The following TMEM132A variants were observed in gnomAD, a reference collection of about 807,000 sequenced individuals.
TMEM132A encodes transmembrane protein 132A.
Under a neutral mutation model 69.9 loss-of-function variants are expected in TMEM132A, and 48 were observed. The observed-to-expected ratio is 0.69, with a 90% CI of 0.55 to 0.87. The LOEUF is 0.87. Ranked by LOEUF, TMEM132A falls within the 40% of genes least tolerant of loss-of-function variation. The pLI, the probability that TMEM132A is intolerant of heterozygous loss-of-function variation, is 0.00. For synonymous variants in TMEM132A, 577 were observed against 613.7 expected (o/e 0.94, Z 0.88); for missense variants, 1,287 against 1,407.2 (o/e 0.91, Z 1.37).
In TMEM132A at chr11:60,935,860, A is replaced by G. The variant is rs780666983; in HGVS notation, c.2029-4A>G. The G allele has an allele frequency of 1.9e-6, 3 of 1,610,852 alleles. No individual in the cohort carries two copies. Among genetic ancestry groups the G allele is most frequent in the Non-Finnish European group, 2.5e-6 (3 of 1,179,614 alleles). On this transcript the variant is annotated splice_polypyrimidine_tract_variant and splice_region_variant and intron_variant, in intron 10 of 10. Coordinates refer to ENST00000453848, the MANE Select transcript of TMEM132A (RefSeq NM_178031.3). This position sits in a 1 kb window ranked among gnomAD's most constrained non-coding sequence, Gnocchi z 5.0. ...GTCTCTGCCTGTGTCTGTGTGCCCC[A>G]CAGGAGGTGGCCCTCTCCCTATGGC...
Position 60,935,910 on chromosome 11 carries a change from C to G in TMEM132A, c.2075C>G (p.Ala692Gly). Reference protein sequence around the residue: ...LWLSFSDHTVAPAELYDRRDL... With the variant: ...LWLSFSDHTVGPAELYDRRDL... Reference sequence around the variant, plus strand: ...CTGTCCTTCTCTGATCACACTGTGGCCCCAGCTGAGCTCTACGACCGCCGT... The same window carrying G: ...CTGTCCTTCTCTGATCACACTGTGGGCCCAGCTGAGCTCTACGACCGCCGT... The change falls in exon 11 of 11, where the codon GCC (alanine) becomes GGC (glycine). Residue 692 changes from alanine to glycine, a missense_variant. Transcript: ENST00000453848. The surrounding 1 kb of genome is among the most constrained non-coding windows in gnomAD (Gnocchi z 5.0). The G allele has an allele frequency of 6.2e-7, 1 of 1,612,004 alleles. No homozygotes were observed. Among genetic ancestry groups the G allele is most frequent in the East Asian group, 2.2e-5 (1 of 44,876 alleles).
In TMEM132A at chr11:60,929,822, A is replaced by C. The variant is rs1444607956; in HGVS notation, c.867-688A>C. Among the ~76,000 whole-genome samples, 6 of 152,112 alleles carry C rather than the reference A, an allele frequency of 3.9e-5. No individual in the cohort carries two copies. The South Asian group carries it at 1.2e-3, about 32-fold the overall frequency. On this transcript the variant is annotated intron_variant, in intron 4 of 10. Coordinates refer to ENST00000453848, the MANE Select transcript of TMEM132A (RefSeq NM_178031.3). ...CTTATTAAGCAGATCTTTCCTAGAC[A>C]CTTACAGCCTGCCAAGCCCTGTGTC...
intron 7 of TMEM132A, chr11:60,933,198 A>C: frequency 5.0e-6 from 1 of 199,262 alleles, no homozygotes; most frequent in Non-Finnish European, 9.6e-6. Flanking sequence ...TAATCTATTT[A>C]TTTTGAAACA....
Position 60,935,387 on chromosome 11 carries a change from C to T in TMEM132A, c.1972C>T (p.Pro658Ser). Residue 658 changes from proline (P) to serine (S), a missense_variant, in exon 10 of 11, where the codon CCC becomes TCC. Transcript: ENST00000453848. This position sits in a 1 kb window ranked among gnomAD's most constrained non-coding sequence, Gnocchi z 5.0. Reference sequence around the variant, plus strand: ...GACCTTGAGCCGGGGCACTGCCCACCCCGGGGAGGTCACAGCTACGTGCTG... The same window carrying T: ...GACCTTGAGCCGGGGCACTGCCCACTCCGGGGAGGTCACAGCTACGTGCTG... Reference protein sequence around the residue: ...SLTLSRGTAHPGEVTATCWAQ... With the variant: ...SLTLSRGTAHSGEVTATCWAQ... 6.2e-7 allele frequency: 1 copy of T among 1,612,294 alleles called. No homozygotes were observed. Among genetic ancestry groups the T allele is most frequent in the South Asian group, 1.1e-5 (1 of 90,494 alleles).
Position 60,931,886 on chromosome 11 carries a change from T to C in TMEM132A, c.1212+2T>C. ...AGAGCCCTTATCCCACTGGCCAAGG[T>C]AAGGAGACCTCCATCTCTGCCTGGG... is the stretch of plus-strand genomic sequence containing the variant. On this transcript the variant is annotated splice_donor_variant, in intron 6 of 10. Coordinates refer to ENST00000453848, the MANE Select transcript of TMEM132A (RefSeq NM_178031.3). LOFTEE classifies it high-confidence loss of function. The C allele has an allele frequency of 6.2e-7, 1 of 1,614,158 alleles. No individual in the cohort carries two copies. The highest frequency in any genetic ancestry group is 8.5e-7 in the Non-Finnish European group (1 of 1,180,026).
chr11:60,930,464 G>A, intron 4 of TMEM132A, 46 bp from the exon 5 acceptor site: 1 of 1,535,786 alleles, frequency 6.5e-7, no homozygotes, highest in Non-Finnish European at 8.8e-7. Flanking sequence ...CCAGCCCACA[G>A]TTCAGCATGC....
In TMEM132A at chr11:60,927,691, C is replaced by T. The variant is rs114893240; in HGVS notation, c.366C>T (p.Asp122=). ...CCCACCAACGGCCAGTCCCATGGGA[C>T]GTGCGGGCCGTTTCAGTGGAAGCGG... ...TEPHQRPVPW[D]VRAVSVEAAV... is the part of the protein sequence containing the mutation. Residue 122 remains aspartate (D), a synonymous_variant, in exon 3 of 11, where the codon GAC becomes GAT. Transcript: ENST00000453848. 9.6e-4 allele frequency: 1,557 copies of T among 1,613,574 alleles called. 13 individuals are homozygous for T. The African/African-American group carries it at 0.018, about 19-fold the overall frequency.
Position 60,927,349 on chromosome 11 carries a change from G to T in TMEM132A, c.246G>T (p.Leu82=), listed in dbSNP as rs61739595. The change falls in exon 2 of 11, where the codon CTG becomes CTT. Residue 82 remains leucine, a synonymous_variant. Coordinates refer to ENST00000453848, the MANE Select transcript of TMEM132A (RefSeq NM_178031.3). ...TGAGCTCCCGATCTGAGACCTTTCTGCTCCTACAGCCCTGGCCCAGGGCCC... is the reference window on the plus strand; with the variant it reads ...TGAGCTCCCGATCTGAGACCTTTCTTCTCCTACAGCCCTGGCCCAGGGCCC... ...SSLSSRSETF[L]LLQPWPRAQP... is the part of the protein sequence containing the mutation. 9.3e-4 allele frequency: 1,502 copies of T among 1,613,304 alleles called. 12 individuals are homozygous for T. In the African/African-American group the frequency reaches 0.014, roughly 15 times the overall value.
rs144704995 is a variant in TMEM132A, at chr11:60,927,654, G to A, written c.329G>A (p.Arg110Gln). The stretch of plus-strand genomic sequence containing the variant: ...TTCTCCCTCCAGGTGGTCCCCCCTC[G>A]AGTCACTGAGCCCCACCAACGGCCA... ...PFATQQVVPPRVTEPHQRPVP... is the reference protein window; with the variant it reads ...PFATQQVVPPQVTEPHQRPVP... The change falls in exon 3 of 11, where the codon CGA becomes CAA. Residue 110 changes from arginine (R) to glutamine (Q), a missense_variant. By Grantham distance (43) the Arg-to-Gln change is conservative. Transcript: ENST00000453848. The A allele has an allele frequency of 2.1e-5, 34 of 1,611,122 alleles. No homozygotes were observed. The Admixed American group carries it at 2.2e-4, about 10-fold the overall frequency.
rs1466536023 is a variant in TMEM132A, at chr11:60,928,943, C to T, written c.849C>T (p.Ala283=). The T allele has an allele frequency of 1.9e-6, 3 of 1,612,374 alleles. No individual in the cohort carries two copies. The highest frequency in any genetic ancestry group is 2.7e-5 in the African/African-American group (2 of 74,938). The change falls in exon 4 of 11, where the codon GCC becomes GCT. Residue 283 remains alanine, a synonymous_variant. Transcript: ENST00000453848. ...ATLLLRHNFT[A]SLLTLRIKVK... ...TCCTGCTTCGGCACAACTTCACAGC[C>T]AGCCTCCTGACCCTGCGGTGAGCAC...
At position 60,936,415 on chromosome 11, in the gene TMEM132A, C is replaced by T; in HGVS notation, c.2580C>T (p.Ala860=). The T allele has an allele frequency of 6.2e-7, 1 of 1,614,170 alleles. No homozygotes were observed. Among genetic ancestry groups the T allele is most frequent in the East Asian group, 2.2e-5 (1 of 44,878 alleles). ...CCCTGCTGGGAGTCTTCTGCGTGGC[C>T]ATCTTCATCTTCTTGGTCAATGGTG... ...MYALLGVFCV[A]IFIFLVNGVV... The change falls in exon 11 of 11, where the codon GCC becomes GCT. Residue 860 remains alanine, a synonymous_variant. Coordinates refer to ENST00000453848, the MANE Select transcript of TMEM132A (RefSeq NM_178031.3).
chr11:60,924,663 A>T lies in TMEM132A; in HGVS notation c.30A>T (p.Thr10=). The T allele has an allele frequency of 6.3e-7, 1 of 1,594,632 alleles. No homozygotes were observed. The highest frequency in any genetic ancestry group is 8.5e-7 in the Non-Finnish European group (1 of 1,176,626). The change falls in exon 1 of 11, where the codon ACA becomes ACT. Residue 10 remains threonine, a synonymous_variant. Coordinates refer to ENST00000453848, the MANE Select transcript of TMEM132A (RefSeq NM_178031.3). MCARMAGRT[T]AAPRGPYGPW... ...GCGCGCGGATGGCCGGTCGCACAAC[A>T]GCGGCCCCTCGGGGGCCCTACGGCC...
rs1441137795 is a variant in TMEM132A at position 60,928,831 on chromosome 11, A to G, written c.737A>G (p.Gln246Arg). 1.2e-6 allele frequency: 2 copies of G among 1,612,536 alleles called. No homozygotes were observed. Among genetic ancestry groups the G allele is most frequent in the African/African-American group, 2.7e-5 (2 of 75,052 alleles). ...GAGCTGCGCCCAGCAGACCCCCCGC[A>G]GTACCAGGAGGTACCTCTGGACGAG... is the stretch of plus-strand genomic sequence containing the variant. ...GVELRPADPP[Q>R]YQEVPLDEAV... The change falls in exon 4 of 11, where the codon CAG (glutamine) becomes CGG (arginine). Residue 246 changes from glutamine (Q) to arginine (R), a missense_variant. By Grantham distance (43) the Gln-to-Arg change is conservative. Transcript: ENST00000453848.
intron 3 of TMEM132A, among the ~76,000 whole-genome samples, chr11:60,928,366 G>A (rs978661410): frequency 6.6e-6 from 1 of 152,152 alleles, no homozygotes; most frequent in African/African-American, 2.4e-5. Flanking sequence ...TTAGGGTAAG[G>A]CCCTGGGATT....
In TMEM132A at chr11:60,936,061, G is replaced by C. The variant is rs770843068; in HGVS notation, c.2226G>C (p.Leu742=). The C allele has an allele frequency of 3.1e-6, 5 of 1,605,924 alleles. No individual in the cohort carries two copies. The African/African-American group carries it at 6.7e-5, about 21-fold the overall frequency. The change falls in exon 11 of 11, where the codon CTG becomes CTC. Residue 742 remains leucine, a synonymous_variant. Transcript: ENST00000453848. ...GAEGLPLHVA[L]HPPEPCRRGR... ...AGGGGCTGCCGCTGCATGTGGCTCT[G>C]CACCCGCCCGAGCCCTGCCGCCGGG...
At chr11:60,924,942 G>A (rs1268978062) in intron 1 of TMEM132A, among the ~76,000 whole-genome samples, 2 of 152,044 alleles carry the variant, frequency 1.3e-5, no homozygotes, top group African/African-American at 4.8e-5. Flanking sequence ...GCACGACCCG[G>A]CAACTCCTTC....
Position 60,927,265 on chromosome 11 carries a change from C to G in TMEM132A, c.162C>G (p.Asp54Glu). The change falls in exon 2 of 11, where the codon GAC becomes GAG. Residue 54 changes from aspartate (D) to glutamate (E), a missense_variant. By Grantham distance (45) the Asp-to-Glu change is conservative. Transcript: ENST00000453848. ...VYLPAALELL[D>E]APEHFRVQQV... Reference sequence around the variant, plus strand: ...TGCCGGCAGCCCTGGAGCTCCTAGACGCCCCTGAACACTTCCGTGTGCAGC... The same window carrying G: ...TGCCGGCAGCCCTGGAGCTCCTAGAGGCCCCTGAACACTTCCGTGTGCAGC... The G allele has an allele frequency of 6.2e-7, 1 of 1,613,636 alleles. No homozygotes were observed. The highest frequency in any genetic ancestry group is 1.1e-5 in the South Asian group (1 of 91,070).
At chr11:60,933,787 C>A in intron 8 of TMEM132A, 43 bp downstream of exon 8, 1 of 1,519,362 alleles carries the variant, frequency 6.6e-7, no homozygotes, top group South Asian at 1.2e-5. Flanking sequence ...TGGCGAGTCA[C>A]ACTGGGACGG....
At chr11:60,929,495 C>G (rs1590625075) in intron 4 of TMEM132A, among the ~76,000 whole-genome samples, 2 of 152,314 alleles carry the variant, frequency 1.3e-5, no homozygotes, top group East Asian at 1.9e-4. Context: ...CCCACCTACC[C>G]AGTTCACCCG....
Sources: allele counts gnomAD v4.1 joint callset (sites outside exome capture counted in the v4.1 genomes callset), GRCh38; gene constraint gnomAD v4.1.1; non-coding constraint Gnocchi (gnomAD v3.1); transcripts MANE v1.5; gene names NCBI Gene and HGNC (gene_info 2026-07-23, HGNC 2026-07-21).